The following RBM47 variants were observed in gnomAD, a reference collection of about 807,000 sequenced individuals.
RBM47 encodes the protein RNA-binding protein 47.
RBM47 carries 21 observed loss-of-function variants against 47.1 expected under a neutral mutation model. The ratio of observed to expected loss-of-function variants is 0.45; its 90% CI spans 0.32 to 0.64. The LOEUF (loss-of-function observed/expected upper bound fraction) is 0.64. RBM47 is among the 30% of genes least tolerant of loss of function. The probability of loss-of-function intolerance (pLI) is 0.05; values close to 1 mark genes in which losing one functional copy is unlikely to be tolerated. For missense variants in RBM47, 708 were observed against 870.9 expected (o/e 0.81, Z 2.35); for synonymous variants, 375 against 361.7 (o/e 1.04, Z -0.42).
chr4:40,577,163 T>A (rs752328299), intron 1 of RBM47, among the ~76,000 whole-genome samples: 1 of 152,208 alleles, frequency 6.6e-6, no homozygotes, highest in Non-Finnish European at 1.5e-5. Context: ...CTGTTCTTAG[T>A]TCCTTATAGG....
chr4:40,492,798 C>T (rs563125729), intron 2 of RBM47, among the ~76,000 whole-genome samples: 7 of 149,028 alleles, frequency 4.7e-5, no homozygotes, highest in South Asian at 2.1e-4. Flanking sequence ...TGTGTGTGTA[C>T]GCGCACACAC....
At chr4:40,489,424 C>T (rs1721558738) in intron 2 of RBM47, among the ~76,000 whole-genome samples, 1 of 152,008 alleles carries the variant, frequency 6.6e-6, no homozygotes, top group Admixed American at 6.6e-5. Context: ...CATTGACAAA[C>T]CACTAGCTAG....
chr4:40,541,079 A>C (rs981582082), intron 2 of RBM47, among the ~76,000 whole-genome samples: 2 of 151,922 alleles, frequency 1.3e-5, no homozygotes, highest in Non-Finnish European at 2.9e-5. Context: ...GCTTGAGCCC[A>C]GGAGTTCAAG....
chr4:40,524,129 T>C (rs557865313), intron 2 of RBM47, among the ~76,000 whole-genome samples: 2 of 152,306 alleles, frequency 1.3e-5, no homozygotes, highest in African/African-American at 2.4e-5. Flanking sequence ...CACTCGGCTA[T>C]GTCCCTCCCA....
intron 1 of RBM47, among the ~76,000 whole-genome samples, chr4:40,593,522 G>A (rs919271298): frequency 2.0e-5 from 3 of 152,008 alleles, no homozygotes; most frequent in Admixed American, 1.3e-4. Flanking sequence ...GATCACCTGA[G>A]GTCGGAAGTT....
intron 1 of RBM47, among the ~76,000 whole-genome samples, chr4:40,625,708 G>A (rs1168983839): frequency 1.3e-5 from 2 of 152,136 alleles, no homozygotes; most frequent in African/African-American, 4.8e-5. Flanking sequence ...TTCGTGCAGG[G>A]CCACCATGTT....
intron 2 of RBM47, among the ~76,000 whole-genome samples, chr4:40,478,009 CTTTTTTTTT>C (rs1194806938): frequency 1.2e-5 from 1 of 86,412 alleles, no homozygotes; most frequent in Non-Finnish European, 2.1e-5. Context: ...GTGGCATGTT[CTTTTTTTTT>C]TTTTTTTTTT....
intron 2 of RBM47, among the ~76,000 whole-genome samples, chr4:40,503,572 C>T (rs1723689858): frequency 6.6e-6 from 1 of 152,122 alleles, no homozygotes; most frequent in Non-Finnish European, 1.5e-5. Context: ...CTGCCCCTCA[C>T]CTTGGACAGT....
chr4:40,464,890 CAAAA>C (rs71646997), intron 3 of RBM47, among the ~76,000 whole-genome samples: 10 of 32,090 alleles, frequency 3.1e-4, no homozygotes, highest in Admixed American at 5.1e-4. Context: ...GACTCTGTCT[CAAAA>C]AAAAAAAAAA....
chr4:40,619,574 T>G (rs1737066065), intron 1 of RBM47, among the ~76,000 whole-genome samples: 1 of 152,202 alleles, frequency 6.6e-6, no homozygotes, highest in Admixed American at 6.5e-5. Context: ...TTTGCACTGT[T>G]GCAAGGTCGG....
Position 40,438,850 on chromosome 4 carries a change from G to A in RBM47, c.44C>T (p.Ala15Val), listed in dbSNP as rs754534615. 1 of 1,559,328 alleles carries A rather than the reference G, an allele frequency of 6.4e-7. No homozygotes were observed. The change falls in exon 4 of 7, where the codon GCC becomes GTC. Residue 15 changes from alanine (A) to valine (V), a missense_variant. Physicochemically the swap from Ala to Val is moderately conservative, Grantham distance 64. Coordinates refer to ENST00000295971, the MANE Select transcript of RBM47 (RefSeq NM_001098634.2). ...GGGCACCTTGGCGGAGGACCCGGCGGCCGAGTCACTGCTCATGGCTGCGGT... is the reference window on the plus strand; with the variant it reads ...GGGCACCTTGGCGGAGGACCCGGCGACCGAGTCACTGCTCATGGCTGCGGT... ...DSTAAMSSDS[A>V]AGSSAKVPEG... is the part of the protein sequence containing the mutation.
At chr4:40,481,685 G>A (rs910782019) in intron 2 of RBM47, among the ~76,000 whole-genome samples, 10 of 151,760 alleles carry the variant, frequency 6.6e-5, no homozygotes, top group Admixed American at 2.0e-4. Flanking sequence ...TAGAGTAACC[G>A]GGATTACAGG....
intron 1 of RBM47, among the ~76,000 whole-genome samples, chr4:40,545,466 C>A (rs1185767899): frequency 6.7e-6 from 1 of 149,112 alleles, no homozygotes; most frequent in Non-Finnish European, 1.5e-5. Flanking sequence ...GAGTTCAAGA[C>A]CAGCCTGACC....
intron 2 of RBM47, among the ~76,000 whole-genome samples, chr4:40,526,150 C>A (rs921716765): frequency 6.6e-6 from 1 of 152,162 alleles, no homozygotes; most frequent in African/African-American, 2.4e-5. Context: ...CAGCCAGAAA[C>A]CGTGACTCAT....
Position 40,503,018 on chromosome 4 carries a change from A to T in RBM47, c.-154-36319T>A, listed in dbSNP as rs78712549. ...AAAAAAAAAAAAGAATGGAAAAAGA[A>T]AACAGTTGAATTTGTTAAGCCTGGA... On this transcript the variant is annotated intron_variant, in intron 2 of 6. Transcript: ENST00000295971. 6.6e-3 allele frequency among the ~76,000 whole-genome samples: 997 copies of T among 152,188 alleles called. 11 individuals carry two copies. The highest frequency in any genetic ancestry group is 0.023 in the African/African-American group (962 of 41,532).
intron 1 of RBM47, among the ~76,000 whole-genome samples, chr4:40,585,714 G>A (rs144955473): frequency 6.6e-6 from 1 of 152,164 alleles, no homozygotes. Flanking sequence ...ATCAAGCACG[G>A]TTTATTAACC....
rs371906627 is a variant in RBM47, at chr4:40,604,628, C to T, written c.-240+24768G>A. On this transcript the variant is annotated intron_variant, in intron 1 of 6. Transcript: ENST00000295971. ...GACAACAAAGCAAGACCTTGTCTCT[C>T]TAAAAAATAAAAAATAAAAAAAAAT... Among the ~76,000 whole-genome samples, 192 of 151,854 alleles carry T rather than the reference C, an allele frequency of 1.3e-3. 1 individual carries two copies. The highest frequency in any genetic ancestry group is 4.2e-3 in the African/African-American group (175 of 41,366).
intron 1 of RBM47, among the ~76,000 whole-genome samples, chr4:40,578,270 C>T (rs1249543675): frequency 6.7e-6 from 1 of 148,172 alleles, no homozygotes; most frequent in Admixed American, 6.8e-5. Flanking sequence ...CTCCTGTTGT[C>T]CCATTCCTTA....
chr4:40,551,089 G>T (rs1359069611), intron 1 of RBM47, among the ~76,000 whole-genome samples: 1 of 152,130 alleles, frequency 6.6e-6, no homozygotes, highest in East Asian at 1.9e-4. Flanking sequence ...AGCTGTGTAG[G>T]TAGCAAGCCC....
Sources: allele counts gnomAD v4.1 joint callset (sites outside exome capture counted in the v4.1 genomes callset), GRCh38; gene constraint gnomAD v4.1.1; transcripts MANE v1.5; gene names NCBI Gene and HGNC (gene_info 2026-07-23, HGNC 2026-07-21).